FBXL7: variants seen among roughly 807,000 people sequenced by gnomAD.
FBXL7 encodes the protein F-box/LRR-repeat protein 7.
Under a neutral mutation model 38.3 loss-of-function variants are expected in FBXL7, and 12 were observed. That is an observed-to-expected ratio of 0.31 (90% CI 0.20 to 0.51). FBXL7 has a LOEUF of 0.51. Ranked by LOEUF, FBXL7 falls within the 20% of genes least tolerant of loss-of-function variation. The probability of loss-of-function intolerance (pLI) is 0.98; values close to 1 mark genes in which losing one functional copy is unlikely to be tolerated. For synonymous variants in FBXL7, 297 were observed against 300.9 expected (o/e 0.99, Z 0.13); for missense variants, 567 against 676.4 (o/e 0.84, Z 1.79).
intron 2 of FBXL7, among the ~76,000 whole-genome samples, chr5:15,734,543 G>T (rs911012278): frequency 6.6e-6 from 1 of 152,176 alleles, no homozygotes; most frequent in Non-Finnish European, 1.5e-5. Context: ...CCTGTCTCAG[G>T]CAAACCATCA....
intron 2 of FBXL7, among the ~76,000 whole-genome samples, chr5:15,800,876 T>G (rs1737545767): frequency 6.6e-6 from 1 of 152,180 alleles, no homozygotes; most frequent in South Asian, 2.1e-4. Flanking sequence ...CACAACTGTT[T>G]TGGGGAATGT....
In FBXL7 at chr5:15,735,750, A is replaced by G. The variant is rs572011151; in HGVS notation, c.127+119678A>G. Reference sequence around the variant, plus strand: ...AGATGACCTGAGGGAAGTGAGATTTATTTTGTGAATGGTGAATGATGATCC... The same window carrying G: ...AGATGACCTGAGGGAAGTGAGATTTGTTTTGTGAATGGTGAATGATGATCC... On this transcript the variant is annotated intron_variant, in intron 2 of 3. Coordinates refer to ENST00000504595, the MANE Select transcript of FBXL7 (RefSeq NM_012304.5). Among the ~76,000 whole-genome samples the G allele has an allele frequency of 2.6e-5, 4 of 152,330 alleles. No homozygotes were observed. The South Asian group carries it at 8.3e-4, about 32-fold the overall frequency.
intron 2 of FBXL7, among the ~76,000 whole-genome samples, chr5:15,828,097 T>G (rs746543035): frequency 8.5e-5 from 13 of 152,232 alleles, no homozygotes; most frequent in Non-Finnish European, 4.4e-5. Flanking sequence ...AATGTTTGTT[T>G]GATTCCTCTG....
chr5:15,937,129 T>A lies in FBXL7; in HGVS notation c.1419T>A (p.Phe473Leu). 1 of 1,611,638 alleles carries A rather than the reference T, an allele frequency of 6.2e-7. No homozygotes were observed. Among genetic ancestry groups the A allele is most frequent in the Non-Finnish European group, 8.5e-7 (1 of 1,178,326 alleles). The change falls in exon 4 of 4, where the codon TTT (phenylalanine) becomes TTA (leucine). Residue 473 changes from phenylalanine to leucine, a missense_variant. By Grantham distance (22) the Phe-to-Leu change is conservative (BLOSUM62 0). Transcript: ENST00000504595. ...DCEVSVEALR[F>L]VKRHCKRCVI... is the part of the protein sequence containing the mutation. ...AGGTCTCCGTGGAGGCCCTGCGCTT[T>A]GTCAAACGCCACTGCAAGCGCTGCG...
At chr5:15,531,266 G>T (rs1737422473) in intron 1 of FBXL7, among the ~76,000 whole-genome samples, 1 of 152,106 alleles carries the variant, frequency 6.6e-6, no homozygotes, top group Non-Finnish European at 1.5e-5. Flanking sequence ...AGATCTATTT[G>T]TAAAAACAAA....
At chr5:15,790,421 C>T (rs565546844) in intron 2 of FBXL7, among the ~76,000 whole-genome samples, 11 of 152,192 alleles carry the variant, frequency 7.2e-5, no homozygotes, top group African/African-American at 2.4e-4. Flanking sequence ...TGAGCTTTAA[C>T]GAGGTAACCC....
At chr5:15,925,677 A>C (rs1741860984) in intron 2 of FBXL7, among the ~76,000 whole-genome samples, 1 of 152,230 alleles carries the variant, frequency 6.6e-6, no homozygotes, top group African/African-American at 2.4e-5. Context: ...TAGAGCTGGA[A>C]ATGACTTAGA....
intron 2 of FBXL7, among the ~76,000 whole-genome samples, chr5:15,849,809 G>A (rs1016313522): frequency 6.6e-6 from 1 of 152,162 alleles, no homozygotes; most frequent in Non-Finnish European, 1.5e-5. Flanking sequence ...ATTCATACCT[G>A]TAAAAATGTG....
intron 2 of FBXL7, among the ~76,000 whole-genome samples, chr5:15,699,909 T>C (rs1262593602): frequency 6.6e-6 from 1 of 152,196 alleles, no homozygotes; most frequent in East Asian, 1.9e-4. Flanking sequence ...TGCAATAATC[T>C]CATATAACTA....
chr5:15,939,353 C>T lies in FBXL7; in HGVS notation c.*2167C>T. The T allele has an allele frequency of 3.5e-6, 1 of 286,992 alleles. No individual in the cohort carries two copies. Among genetic ancestry groups the T allele is most frequent in the Non-Finnish European group, 6.4e-6 (1 of 155,812 alleles). 17.8% of individuals were successfully genotyped at this position (286,992 alleles called of 1,614,324 possible). ...AAAGGATTGTCCCTAATCCTTGGCC[C>T]TGGGGTCTTCCGAGTGAGCTGGTTT... is the stretch of plus-strand genomic sequence containing the variant. On this transcript the variant is annotated 3_prime_UTR_variant, in exon 4 of 4. Transcript: ENST00000504595.
chr5:15,876,009 C>T (rs986543674), intron 2 of FBXL7, among the ~76,000 whole-genome samples: 2 of 152,148 alleles, frequency 1.3e-5, no homozygotes, highest in South Asian at 4.1e-4. Context: ...ACCCAGATGC[C>T]CATCAGTGAT....
intron 2 of FBXL7, among the ~76,000 whole-genome samples, chr5:15,791,495 G>A (rs1433636608): frequency 6.6e-6 from 1 of 152,178 alleles, no homozygotes; most frequent in African/African-American, 2.4e-5. Context: ...CTAGGGTCCA[G>A]AAATGATGGG....
At position 15,939,015 on chromosome 5, in the gene FBXL7, A is replaced by C. The variant is rs1337992675; in HGVS notation, c.*1829A>C. ...GTTATGCTGAATTTGTCAAACTTAGACACCCTTGACAACTGCACTCCTACT... is the reference window on the plus strand; with the variant it reads ...GTTATGCTGAATTTGTCAAACTTAGCCACCCTTGACAACTGCACTCCTACT... On this transcript the variant is annotated 3_prime_UTR_variant, in exon 4 of 4. Coordinates refer to ENST00000504595, the MANE Select transcript of FBXL7 (RefSeq NM_012304.5). 2.5e-6 allele frequency: 1 copy of C among 398,886 alleles called. No individual in the cohort carries two copies. The highest frequency in any genetic ancestry group is 4.4e-6 in the Non-Finnish European group (1 of 226,054). The allele number at this position is 398,886 out of a possible 1,614,324, so 24.7% of individuals were successfully genotyped here. A position where few individuals can be genotyped will look rare whatever the true frequency, so the allele number is the denominator to read the frequency against.
intron 2 of FBXL7, among the ~76,000 whole-genome samples, chr5:15,866,141 G>GA (rs984288113): frequency 1.1e-4 from 16 of 151,696 alleles, no homozygotes; most frequent in Admixed American, 2.0e-4. Context: ...TTTGTTACTG[G>GA]AAAAAAAAGT....
intron 2 of FBXL7, among the ~76,000 whole-genome samples, chr5:15,818,874 C>T (rs530750610): frequency 2.6e-5 from 4 of 152,082 alleles, no homozygotes; most frequent in South Asian, 2.1e-4. Context: ...TAATGATTTC[C>T]GAGATGAAGA....
chr5:15,558,439 T>C lies in FBXL7; in HGVS notation c.38-57544T>C, dbSNP rs370950073. ...CATGGATTCTGGCCCATGCCTGTCATTTATTGCTGCTGGGCCAAGGGGAGC... is the reference window on the plus strand; with the variant it reads ...CATGGATTCTGGCCCATGCCTGTCACTTATTGCTGCTGGGCCAAGGGGAGC... On this transcript the variant is annotated intron_variant, in intron 1 of 3. Coordinates refer to ENST00000504595, the MANE Select transcript of FBXL7 (RefSeq NM_012304.5). 5.9e-5 allele frequency among the ~76,000 whole-genome samples: 9 copies of C among 152,334 alleles called. 1 individual carries two copies. The South Asian group carries it at 1.9e-3, about 32-fold the overall frequency.
Position 15,928,440 on chromosome 5 carries a change from C to T in FBXL7, c.678C>T (p.Ser226=). 6.2e-7 allele frequency: 1 copy of T among 1,614,026 alleles called. No individual in the cohort carries two copies. The highest frequency in any genetic ancestry group is 8.5e-7 in the Non-Finnish European group (1 of 1,179,884). ...AAGTCTCAGGCTGTTACAATATCTC[C>T]AACGAGGCCGTCTTTGATGTGGTGT... is the stretch of plus-strand genomic sequence containing the variant. The part of the protein sequence containing the change: ...RLEVSGCYNI[S]NEAVFDVVSL... Residue 226 remains serine (S), a synonymous_variant, in exon 3 of 4, where the codon TCC becomes TCT. Coordinates refer to ENST00000504595, the MANE Select transcript of FBXL7 (RefSeq NM_012304.5). This position sits in a 1 kb window ranked among gnomAD's most constrained non-coding sequence, Gnocchi z 4.0.
intron 2 of FBXL7, among the ~76,000 whole-genome samples, chr5:15,885,990 G>T (rs1447116953): frequency 6.6e-6 from 1 of 151,856 alleles, no homozygotes; most frequent in Non-Finnish European, 1.5e-5. Context: ...CAAAGTGCTG[G>T]GATTATAGGC....
At position 15,900,749 on chromosome 5, in the gene FBXL7, C is replaced by T. The variant is rs181988502; in HGVS notation, c.128-27141C>T. Among the ~76,000 whole-genome samples the T allele has an allele frequency of 2.6e-4, 40 of 152,210 alleles. No individual in the cohort carries two copies. In the East Asian group the frequency reaches 2.9e-3, roughly 11 times the overall value. The stretch of plus-strand genomic sequence containing the variant: ...TAGTATGGACTGTCTGAAATGTAAA[C>T]GGTTTGGTTCAAGGACAAAGAAAAT... On this transcript the variant is annotated intron_variant, in intron 2 of 3. Transcript: ENST00000504595.
Sources: gnomAD v4.1 joint callset for allele counts (sites outside exome capture counted in the v4.1 genomes callset) on GRCh38, gnomAD v4.1.1 for gene constraint, Gnocchi (gnomAD v3.1) non-coding constraint, MANE v1.5 for transcripts, NCBI Gene and HGNC (gene_info 2026-07-23, HGNC 2026-07-21) for gene names.